CNR2: variants seen among roughly 807,000 people sequenced by gnomAD.
CNR2 encodes cannabinoid receptor 2 (macrophage).
For missense variants in CNR2, 379 were observed against 439.9 expected (o/e 0.86, Z 1.24); for synonymous variants, 172 against 182.2 (o/e 0.94, Z 0.45).
rs376344742 is a variant in CNR2 at position 23,875,570 on chromosome 1, G to T, written c.48C>A (p.Gly16=). ...AATCCTTCATAGGGTTGGAATCCAA[G>T]CCATCCTTGGAGCCATTGGCTATCT... The part of the protein sequence containing the change: ...VTEIANGSKD[G]LDSNPMKDYM... The change falls in exon 2 of 2, where the codon GGC becomes GGA. Residue 16 remains glycine (G), a synonymous_variant. Transcript: ENST00000374472. The T allele has an allele frequency of 1.3e-5, 21 of 1,612,894 alleles. No individual in the cohort carries two copies. The highest frequency in any genetic ancestry group is 1.6e-5 in the Non-Finnish European group (19 of 1,179,238).
intron 1 of CNR2, among the ~76,000 whole-genome samples, chr1:23,889,496 A>G (rs181280436): frequency 1.3e-5 from 2 of 152,126 alleles, no homozygotes; most frequent in Non-Finnish European, 2.9e-5. Context: ...TTTGATTTCT[A>G]TTAAAAAAAT....
intron 1 of CNR2, among the ~76,000 whole-genome samples, chr1:23,890,127 T>G (rs1557528385): frequency 6.6e-6 from 1 of 150,620 alleles, no homozygotes; most frequent in African/African-American, 2.4e-5. Flanking sequence ...CTGGGCATGG[T>G]GCATGTATGT....
chr1:23,897,347 C>CTT, intron 1 of CNR2, among the ~76,000 whole-genome samples: 1 of 152,256 alleles, frequency 6.6e-6, no homozygotes, highest in Admixed American at 6.5e-5. Context: ...CTCAGCGACC[C>CTT]TTTACCGTCT....
intron 1 of CNR2, among the ~76,000 whole-genome samples, chr1:23,907,507 T>C (rs1253300554): frequency 6.6e-6 from 1 of 152,132 alleles, no homozygotes; most frequent in East Asian, 1.9e-4. Context: ...TTTCTTTTTT[T>C]TGAGGTGGAG....
At chr1:23,900,811 A>G (rs7525246) in intron 1 of CNR2, among the ~76,000 whole-genome samples, 150,406 of 152,228 alleles carry the variant, frequency 0.99, 74,329 homozygotes, top group East Asian at 1. Context: ...TGGCCTCCCT[A>G]ATCTCATTTT....
rs747466044 is a variant in CNR2, at chr1:23,875,022, G to A, written c.596C>T (p.Ala199Val). ...GTAGATGATTCCGGAAAAGAGGAAG[G>A]CGATGAACAGGAGCCAGCTCAGCAG... ...DYLLSWLLFI[A>V]FLFSGIIYTY... The change falls in exon 2 of 2, where the codon GCC becomes GTC. Residue 199 changes from alanine (A) to valine (V), a missense_variant. By Grantham distance (64) the Ala-to-Val change is moderately conservative. Coordinates refer to ENST00000374472, the MANE Select transcript of CNR2 (RefSeq NM_001841.3). The A allele has an allele frequency of 2.8e-5, 45 of 1,608,880 alleles. No homozygotes were observed. In the East Asian group the frequency reaches 9.6e-4, roughly 34 times the overall value.
At chr1:23,891,499 A>G (rs1275284686) in intron 1 of CNR2, among the ~76,000 whole-genome samples, 1 of 151,618 alleles carries the variant, frequency 6.6e-6, no homozygotes, top group African/African-American at 2.4e-5. Context: ...GGTGCCTGTA[A>G]TCCCAGCTAC....
chr1:23,887,399 C>A (rs1317727695), intron 1 of CNR2, among the ~76,000 whole-genome samples: 5 of 152,172 alleles, frequency 3.3e-5, no homozygotes, highest in Non-Finnish European at 7.4e-5. Context: ...AATGGCTCAC[C>A]CCATGTAGAA....
chr1:23,912,812 C>A (rs910742811), intron 1 of CNR2, among the ~76,000 whole-genome samples: 16 of 152,304 alleles, frequency 1.1e-4, no homozygotes, highest in African/African-American at 3.6e-4. Context: ...TGACATCTAT[C>A]CCCTGCCCCA....
chr1:23,897,622 T>C (rs1310842960), intron 1 of CNR2, among the ~76,000 whole-genome samples: 2 of 151,716 alleles, frequency 1.3e-5, no homozygotes, highest in Non-Finnish European at 2.9e-5. Context: ...CCACCACACC[T>C]GGCTAATTTT....
At chr1:23,901,447 C>G (rs1640397378) in intron 1 of CNR2, 1 of 1,528,732 alleles carries the variant, frequency 6.5e-7, no homozygotes, top group African/African-American at 1.4e-5. Flanking sequence ...CACTCGCCGA[C>G]CTGCTGCAGC....
At position 23,902,857 on chromosome 1, in the gene CNR2, G is replaced by A. The variant is rs559732827; in HGVS notation, c.-46+10389C>T. The stretch of plus-strand genomic sequence containing the variant: ...CCTTCCTGCCCACGGCGGCGCCGGC[G>A]TTGCTGTGGGCTAGGACCGCGGCCG... On this transcript the variant is annotated intron_variant, in intron 1 of 1. Transcript: ENST00000374472. 4.9e-6 allele frequency: 6 copies of A among 1,216,948 alleles called. No homozygotes were observed. The African/African-American group carries it at 6.4e-5, about 13-fold the overall frequency. 75.4% of individuals were successfully genotyped at this position (1,216,948 alleles called of 1,614,324 possible). A position where few individuals can be genotyped will look rare whatever the true frequency, so the allele number is the denominator to read the frequency against.
At position 23,874,476 on chromosome 1, in the gene CNR2, CTCT is replaced by C; in HGVS notation, c.*56_*58del. 1 of 1,539,644 alleles carries C rather than the reference CTCT, an allele frequency of 6.5e-7. No homozygotes were observed. Among genetic ancestry groups the C allele is most frequent in the Non-Finnish European group, 8.8e-7 (1 of 1,141,008 alleles). ...GAAGAGAGTGCCAAGACCCCTCTCT[CTCT>C]TCCAGGGAGTGAACTGATTTCTGAC... is the stretch of plus-strand genomic sequence containing the variant. On this transcript the variant is annotated 3_prime_UTR_variant, in exon 2 of 2. Coordinates refer to ENST00000374472, the MANE Select transcript of CNR2 (RefSeq NM_001841.3).
rs35507609 is a variant in CNR2 at position 23,907,981 on chromosome 1, C to CTTTTTTTT, written c.-46+5257_-46+5264dup. The stretch of plus-strand genomic sequence containing the variant: ...TTTGTTCTATCACCACTAACTACTG[C>CTTTTTTTT]TTTTTTTTTTTTTTTTTTTTTTTGA... On this transcript the variant is annotated intron_variant, in intron 1 of 1. Transcript: ENST00000374472. 7.9e-4 allele frequency: 63 copies of CTTTTTTTT among 79,292 alleles called. 1 individual carries two copies. Among genetic ancestry groups the CTTTTTTTT allele is most frequent in the African/African-American group, 1.2e-3 (23 of 18,772 alleles). The allele number at this position is 79,292 out of a possible 1,614,324, so 4.9% of individuals were successfully genotyped here.
At chr1:23,895,126 C>T (rs1640257486) in intron 1 of CNR2, among the ~76,000 whole-genome samples, 1 of 152,072 alleles carries the variant, frequency 6.6e-6, no homozygotes, top group South Asian at 2.1e-4. Flanking sequence ...GAGGCTGAGG[C>T]AGGAGAATCG....
intron 1 of CNR2, among the ~76,000 whole-genome samples, chr1:23,905,249 C>T (rs930391846): frequency 6.0e-5 from 9 of 149,152 alleles, no homozygotes; most frequent in South Asian, 2.1e-4. Context: ...TAGTGCATCT[C>T]GGCTCACTGC....
chr1:23,891,275 T>TTGTGTGTGTGTGTGTGTGTGTGTGTG (rs57856234), intron 1 of CNR2, among the ~76,000 whole-genome samples: 9 of 150,432 alleles, frequency 6.0e-5, no homozygotes, highest in African/African-American at 2.0e-4. Flanking sequence ...ACCAAATCTT[T>TTGTGTGTGTGTGTGTGTGTGTGTGTG]TGTGTGTGTG....
At chr1:23,896,141 T>C (rs1265951687) in intron 1 of CNR2, among the ~76,000 whole-genome samples, 1 of 152,110 alleles carries the variant, frequency 6.6e-6, no homozygotes, top group Non-Finnish European at 1.5e-5. Flanking sequence ...ATGCTCAGAT[T>C]ACGGGCATGA....
At chr1:23,907,981 CT>C (rs35507609) in intron 1 of CNR2, 7 of 79,296 alleles carry the variant, frequency 8.8e-5, no homozygotes, top group African/African-American at 2.1e-4. Context: ...CTAACTACTG[CT>C]TTTTTTTTTT....
Sources: allele counts gnomAD v4.1 joint callset (sites outside exome capture counted in the v4.1 genomes callset), GRCh38; gene constraint gnomAD v4.1.1; transcripts MANE v1.5; gene names NCBI Gene and HGNC (gene_info 2026-07-23, HGNC 2026-07-21).